Variants in LINGO1 observed in about 807,000 individuals in gnomAD.
LINGO1 encodes leucine-rich repeat and immunoglobulin-like domain-containing nogo receptor-interacting protein 1.
A neutral mutation model predicts 37.3 loss-of-function variants in LINGO1; 11 were observed. That is an observed-to-expected ratio of 0.29 (90% confidence interval 0.19 to 0.49). LINGO1 has a LOEUF of 0.49. Ranked by LOEUF, LINGO1 falls within the 20% of genes least tolerant of loss-of-function variation. The pLI, the probability that LINGO1 is intolerant of heterozygous loss-of-function variation, is 0.99. For missense variants in LINGO1, 585 were observed against 878.2 expected, an observed-to-expected ratio of 0.67 and a Z score of 4.22; for synonymous variants, 387 against 403.0, an observed-to-expected ratio of 0.96 and a Z score of 0.48.
At chr15:77,764,573 T>A (rs1340525956) in intron 1 of LINGO1, among the ~76,000 whole-genome samples, 2 of 152,168 alleles carry the variant, frequency 1.3e-5, no homozygotes, top group African/African-American at 2.4e-5. Context: ...GAAGGGCCAG[T>A]AAACACATGA....
chr15:77,806,648 T>C (rs1370883819), intron 1 of LINGO1, among the ~76,000 whole-genome samples: 2 of 152,028 alleles, frequency 1.3e-5, no homozygotes, highest in African/African-American at 2.4e-5. Context: ...AACCCGACCA[T>C]AGCAGCAGAG....
chr15:77,666,175 T>C (rs1161329131), intron 3 of LINGO1, among the ~76,000 whole-genome samples: 1 of 152,250 alleles, frequency 6.6e-6, no homozygotes, highest in East Asian at 1.9e-4. Context: ...CTCCGCCAAG[T>C]CCTGTCTATG....
In LINGO1 at chr15:77,717,072, C is replaced by G. The variant is rs534645168; in HGVS notation, c.-195+17920G>C. On this transcript the variant is annotated intron_variant, in intron 2 of 3. Transcript: ENST00000561686. ...TGAGGAGGAGGGGAAGCCTGAGCCGCGGGGTGCTCAAGCTCAGCACTCTGC... is the reference window on the plus strand; with the variant it reads ...TGAGGAGGAGGGGAAGCCTGAGCCGGGGGGTGCTCAAGCTCAGCACTCTGC... Among the ~76,000 whole-genome samples, 14 of 107,160 alleles carry G rather than the reference C, an allele frequency of 1.3e-4. 1 individual carries two copies. The highest frequency in any genetic ancestry group is 1.2e-3 in the South Asian group (4 of 3,248). 70.3% of individuals were successfully genotyped at this position (107,160 alleles called of 152,430 possible).
intron 3 of LINGO1, chr15:77,652,366 G>A (rs1014519409): frequency 5.3e-5 from 8 of 152,228 alleles, no homozygotes; most frequent in African/African-American, 1.2e-4. Context: ...ACTTGAAAGC[G>A]TCTCTGGGGC....
At chr15:77,787,406 A>C (rs981682550), upstream of LINGO1, among the ~76,000 whole-genome samples, 1 of 152,112 alleles carries the variant, frequency 6.6e-6, no homozygotes, top group African/African-American at 2.4e-5. Context: ...AGGCACTGAT[A>C]AAACCGAGAG....
intron 3 of LINGO1, among the ~76,000 whole-genome samples, chr15:77,644,096 G>A (rs1015842905): frequency 3.9e-5 from 6 of 152,248 alleles, no homozygotes; most frequent in Non-Finnish European, 7.3e-5. Flanking sequence ...CTGGGGCAGC[G>A]GCATCTGCTT....
chr15:77,748,258 C>T (rs1202082457), intron 1 of LINGO1, among the ~76,000 whole-genome samples: 1 of 152,234 alleles, frequency 6.6e-6, no homozygotes, highest in East Asian at 1.9e-4. Flanking sequence ...CTATGCCGTC[C>T]TCCTCCTCCC....
Position 77,632,329 on chromosome 15 carries a change from T to C in LINGO1, c.-14A>G, listed in dbSNP as rs1272470529. The C allele has an allele frequency of 7.7e-6, 11 of 1,436,406 alleles. No individual in the cohort carries two copies. The highest frequency in any genetic ancestry group is 1.0e-5 in the Non-Finnish European group (11 of 1,095,132). The allele number at this position is 1,436,406 out of a possible 1,614,324, so 89.0% of individuals were successfully genotyped here. A position where few individuals can be genotyped will look rare whatever the true frequency, so the allele number is the denominator to read the frequency against. On this transcript the variant is annotated 5_prime_UTR_variant, in exon 1 of 2. Coordinates refer to ENST00000355300, the MANE Select transcript of LINGO1 (RefSeq NM_032808.7). This position sits in a 1 kb window ranked among gnomAD's most constrained non-coding sequence, Gnocchi z 6.0. ...GCTCACCTGCATCTCGGGCGCGCCT[T>C]CGGTCCGCTCGGCTCGGTCACCAAT... is the stretch of plus-strand genomic sequence containing the variant.
chr15:77,738,660 G>A (rs1048976276), intron 1 of LINGO1, among the ~76,000 whole-genome samples: 4 of 152,098 alleles, frequency 2.6e-5, no homozygotes, highest in Non-Finnish European at 5.9e-5. Context: ...AGGCAGGCAG[G>A]GCCCGAAGCC....
At chr15:77,803,887 G>A (rs2076938876) in intron 1 of LINGO1, among the ~76,000 whole-genome samples, 1 of 152,102 alleles carries the variant, frequency 6.6e-6, no homozygotes, top group African/African-American at 2.4e-5. Flanking sequence ...CCAGTCTCAG[G>A]AATTTCTTTA....
intron 3 of LINGO1, chr15:77,660,297 C>G (rs940648473): frequency 1.3e-5 from 2 of 152,204 alleles, no homozygotes; most frequent in Non-Finnish European, 2.9e-5. Context: ...GGTGCCGAGG[C>G]CTCAGAGGAC....
chr15:77,646,487 C>T (rs1335468956), intron 3 of LINGO1: 1 of 455,348 alleles, frequency 2.2e-6, no homozygotes. Context: ...AGAGCTTCTT[C>T]CCTCCTCTCT....
chr15:77,725,019 A>G (rs4886902), intron 2 of LINGO1, among the ~76,000 whole-genome samples: 83,062 of 152,160 alleles, frequency 0.55, 22,914 homozygotes, highest in Admixed American at 0.62. Context: ...CACACTAGCC[A>G]TGCTGAAGGA....
Position 77,632,407 on chromosome 15 carries a change from C to G in LINGO1, c.-92G>C, listed in dbSNP as rs958418136. 8.1e-6 allele frequency: 10 copies of G among 1,233,694 alleles called. No homozygotes were observed. In the African/African-American group the frequency reaches 1.5e-4, roughly 18 times the overall value. The allele number at this position is 1,233,694 out of a possible 1,614,324, so 76.4% of individuals were successfully genotyped here. ...GGCCCCAGCCCCTGCCCAGCCCCCT[C>G]CTCCGTTTCCTCCTCCTCCGACACC... On this transcript the variant is annotated 5_prime_UTR_variant, in exon 1 of 2. Transcript: ENST00000355300. The surrounding 1 kb of genome is among the most constrained non-coding windows in gnomAD (Gnocchi z 6.0).
chr15:77,676,783 T>C (rs12914049), intron 3 of LINGO1, among the ~76,000 whole-genome samples: 18,483 of 152,198 alleles, frequency 0.12, 1,395 homozygotes, highest in Non-Finnish European at 0.17. Context: ...ACAGTGAGCA[T>C]AGGACAGCAA....
chr15:77,820,462 C>G (rs577821892), upstream of LINGO1: 2 of 152,422 alleles, frequency 1.3e-5, no homozygotes, highest in Middle Eastern at 3.4e-3. Flanking sequence ...GCCTCTGGGC[C>G]GACAATGGGT....
intron 3 of LINGO1, among the ~76,000 whole-genome samples, chr15:77,664,190 C>T (rs2075077276): frequency 6.8e-6 from 1 of 147,430 alleles, no homozygotes; most frequent in African/African-American, 2.6e-5. Flanking sequence ...CATGCGTTTG[C>T]ATTCTCAGCC....
intron 2 of LINGO1, among the ~76,000 whole-genome samples, chr15:77,734,448 C>A (rs559386625): frequency 6.6e-6 from 1 of 151,984 alleles, no homozygotes; most frequent in Admixed American, 6.5e-5. Flanking sequence ...TCAGCCTTGC[C>A]GCCCCTCATC....
upstream of LINGO1, among the ~76,000 whole-genome samples, chr15:77,698,156 T>C (rs941310938): frequency 6.6e-6 from 1 of 151,162 alleles, no homozygotes; most frequent in Admixed American, 6.6e-5. Context: ...TGAGGGAGGG[T>C]TCTGGGAGGC....
Sources: gnomAD v4.1 joint callset for allele counts (sites outside exome capture counted in the v4.1 genomes callset) on GRCh38, gnomAD v4.1.1 for gene constraint, Gnocchi (gnomAD v3.1) non-coding constraint, MANE v1.5 for transcripts, NCBI Gene and HGNC (gene_info 2026-07-23, HGNC 2026-07-21) for gene names.